KCNIP4: variants seen among roughly 807,000 people sequenced by gnomAD.
KCNIP4 encodes potassium voltage-gated channel interacting protein 4, also known as Kv channel-interacting protein 4.
A neutral mutation model predicts 34.0 loss-of-function variants in KCNIP4; 12 were observed. The ratio of observed to expected loss-of-function variants is 0.35; its 90% CI spans 0.23 to 0.57. The LOEUF (loss-of-function observed/expected upper bound fraction) is 0.57. Ranked by LOEUF, KCNIP4 falls within the 20% of genes least tolerant of loss-of-function variation. The pLI is 0.83. For synonymous variants in KCNIP4, 124 were observed against 102.2 expected, an observed-to-expected ratio of 1.21 and a Z score of -1.29; for missense variants, 238 against 311.7, an observed-to-expected ratio of 0.76 and a Z score of 1.78.
chr4:21,618,154 C>T (rs144855133), intron 1 of KCNIP4, among the ~76,000 whole-genome samples: 5 of 152,064 alleles, frequency 3.3e-5, no homozygotes, highest in African/African-American at 9.7e-5. Context: ...GTTCAGTTTG[C>T]TGTGGTACTC....
rs189611595 is a variant in KCNIP4 at position 21,123,532 on chromosome 4, A to G, written c.62-240823T>C. On this transcript the variant is annotated intron_variant, in intron 1 of 8. Transcript: ENST00000382152. ...ACTTTTGTTGATACCAGTTATATCT[A>G]TCACTATTTACTATATTAAATGTTA... Among the ~76,000 whole-genome samples the G allele has an allele frequency of 1.1e-4, 16 of 152,362 alleles. No individual in the cohort carries two copies. In the South Asian group the frequency reaches 3.1e-3, roughly 30 times the overall value.
rs577571929 is a variant in KCNIP4 at position 21,381,287 on chromosome 4, T to C, written c.62-498578A>G. ...TTTTATTTTACCTTTTCAAGATCTC[T>C]ATACCTCTCCAGGAGGAACAGGACA... On this transcript the variant is annotated intron_variant, in intron 1 of 8. Transcript: ENST00000382152. Among the ~76,000 whole-genome samples, 10 of 152,324 alleles carry C rather than the reference T, an allele frequency of 6.6e-5. 1 individual carries two copies. The South Asian group carries it at 2.1e-3, about 32-fold the overall frequency.
chr4:21,284,048 C>T (rs546410961), intron 1 of KCNIP4, among the ~76,000 whole-genome samples: 3 of 151,364 alleles, frequency 2.0e-5, no homozygotes, highest in African/African-American at 4.9e-5. Flanking sequence ...CCCATCTCTA[C>T]CAAAAATACA....
chr4:21,260,370 T>A (rs1206283557), intron 1 of KCNIP4, among the ~76,000 whole-genome samples: 1 of 152,200 alleles, frequency 6.6e-6, no homozygotes, highest in African/African-American at 2.4e-5. Flanking sequence ...TAGCTATTTA[T>A]AAGTATTCGT....
chr4:21,399,276 A>G (rs1021685647), intron 1 of KCNIP4, among the ~76,000 whole-genome samples: 1 of 152,166 alleles, frequency 6.6e-6, no homozygotes, highest in Non-Finnish European at 1.5e-5. Context: ...AGGGCCAATG[A>G]GGCATGAGGC....
intron 3 of KCNIP4, 45 bp downstream of exon 3, chr4:20,850,498 C>T: frequency 6.3e-7 from 1 of 1,597,920 alleles, no homozygotes; most frequent in Non-Finnish European, 8.6e-7. Flanking sequence ...TCTCAATGCT[C>T]CTCTGGGAAT....
At chr4:21,193,740 T>A (rs1755853994) in intron 1 of KCNIP4, among the ~76,000 whole-genome samples, 1 of 151,764 alleles carries the variant, frequency 6.6e-6, no homozygotes. Flanking sequence ...CCCGGCTAAT[T>A]TTTTGTATTT....
chr4:21,891,469 C>T (rs1446167502), intron 1 of KCNIP4, among the ~76,000 whole-genome samples: 2 of 152,034 alleles, frequency 1.3e-5, no homozygotes, highest in Admixed American at 1.3e-4. Flanking sequence ...AAAGAAACAC[C>T]TGAAGGATAG....
intron 1 of KCNIP4, among the ~76,000 whole-genome samples, chr4:21,732,640 C>T (rs909004435): frequency 4.6e-5 from 7 of 150,952 alleles, no homozygotes; most frequent in South Asian, 4.2e-4. Flanking sequence ...AGAGCCCCTG[C>T]CTCCACTCTC....
At chr4:21,489,518 C>T (rs1054049881) in intron 1 of KCNIP4, among the ~76,000 whole-genome samples, 1 of 152,006 alleles carries the variant, frequency 6.6e-6, no homozygotes, top group African/African-American at 2.4e-5. Flanking sequence ...TCTTATTATT[C>T]TGTAGTCCCA....
At chr4:21,633,869 G>A (rs1451357953) in intron 1 of KCNIP4, among the ~76,000 whole-genome samples, 1 of 151,916 alleles carries the variant, frequency 6.6e-6, no homozygotes, top group African/African-American at 2.4e-5. Context: ...AAAAAATTGT[G>A]AAGATTGGCA....
intron 1 of KCNIP4, among the ~76,000 whole-genome samples, chr4:21,387,397 T>C (rs1353260685): frequency 4.6e-5 from 7 of 152,118 alleles, no homozygotes; most frequent in East Asian, 1.9e-4. Context: ...GTGTGCTTAA[T>C]TGCAGTATTA....
intron 3 of KCNIP4, among the ~76,000 whole-genome samples, chr4:20,804,739 G>A (rs895127973): frequency 3.3e-5 from 5 of 152,154 alleles, no homozygotes; most frequent in Admixed American, 2.6e-4. Context: ...AAGTAGAAAT[G>A]TATTTATTTA....
intron 1 of KCNIP4, among the ~76,000 whole-genome samples, chr4:21,585,959 C>A (rs1560537408): frequency 6.6e-6 from 1 of 152,004 alleles, no homozygotes; most frequent in Non-Finnish European, 1.5e-5. Context: ...AAAAGAGAGT[C>A]TCTATCCTTT....
Position 21,275,646 on chromosome 4 carries a change from A to AGAAC in KCNIP4, c.62-392938_62-392937insGTTC, listed in dbSNP as rs759964183. ...AGGACTCTGAGCAAGGAAATCTAGC[A>AGAAC]TAACAATAAATAGTAGATGGCTGGG... On this transcript the variant is annotated intron_variant, in intron 1 of 8. Coordinates refer to ENST00000382152, the MANE Select transcript of KCNIP4 (RefSeq NM_025221.6). Among the ~76,000 whole-genome samples the AGAAC allele has an allele frequency of 4.7e-3, 711 of 152,346 alleles. 4 individuals are homozygous for AGAAC. Among genetic ancestry groups the AGAAC allele is most frequent in the Middle Eastern group, 0.024 (7 of 294 alleles).
intron 1 of KCNIP4, among the ~76,000 whole-genome samples, chr4:21,260,487 T>C (rs746857047): frequency 6.6e-6 from 1 of 152,136 alleles, no homozygotes; most frequent in East Asian, 1.9e-4. Context: ...GGGAAAACAC[T>C]TGGATGTAGG....
chr4:21,237,524 G>C (rs909237224), intron 1 of KCNIP4, among the ~76,000 whole-genome samples: 1 of 151,924 alleles, frequency 6.6e-6, no homozygotes, highest in Admixed American at 6.6e-5. Context: ...TCAAATACAC[G>C]CAATAAAAAA....
chr4:21,846,514 G>A (rs1724024561), intron 1 of KCNIP4: 1 of 152,094 alleles, frequency 6.6e-6, no homozygotes, highest in Non-Finnish European at 1.5e-5. Context: ...TAATGGACAT[G>A]CACGTCATAG....
intron 1 of KCNIP4, among the ~76,000 whole-genome samples, chr4:21,662,079 G>C (rs1475872722): frequency 1.3e-5 from 2 of 152,162 alleles, no homozygotes; most frequent in Non-Finnish European, 1.5e-5. Flanking sequence ...CACACCACCT[G>C]GACAAAGGGG....
Sources: allele counts gnomAD v4.1 joint callset (sites outside exome capture counted in the v4.1 genomes callset), GRCh38; gene constraint gnomAD v4.1.1; transcripts MANE v1.5; gene names NCBI Gene and HGNC (gene_info 2026-07-23, HGNC 2026-07-21).